Variants in SPATA16 observed in about 807,000 individuals in gnomAD.
SPATA16 encodes spermatogenesis-associated protein 16.
A neutral mutation model predicts 63.3 loss-of-function variants in SPATA16; 36 were observed. The ratio of observed to expected loss-of-function variants is 0.57; its 90% CI spans 0.44 to 0.75. The LOEUF is 0.75. Ranked by LOEUF, SPATA16 falls within the 30% of genes least tolerant of loss-of-function variation. The probability of loss-of-function intolerance (pLI) is 0.00; values close to 1 mark genes in which losing one functional copy is unlikely to be tolerated. For synonymous variants in SPATA16, 203 were observed against 216.7 expected (o/e 0.94, Z 0.56); for missense variants, 646 against 679.3 (o/e 0.95, Z 0.54).
chr3:173,134,925 A>AT (rs2108350363), intron 1 of SPATA16, among the ~76,000 whole-genome samples: 1 of 152,358 alleles, frequency 6.6e-6, no homozygotes, highest in African/African-American at 2.4e-5. Context: ...TATGACTTGG[A>AT]TAGGCAAGGA....
intron 4 of SPATA16, among the ~76,000 whole-genome samples, chr3:172,994,182 G>A (rs769720530): frequency 3.3e-5 from 5 of 152,268 alleles, no homozygotes; most frequent in Non-Finnish European, 5.9e-5. Flanking sequence ...GATACCAAGA[G>A]TATGTGACTC....
At chr3:173,055,667 T>A (rs1428100629) in intron 2 of SPATA16, among the ~76,000 whole-genome samples, 1 of 152,206 alleles carries the variant, frequency 6.6e-6, no homozygotes, top group African/African-American at 2.4e-5. Context: ...CTGTAATGTA[T>A]CTTGAATTTG....
rs748080162 is a variant in SPATA16, at chr3:172,976,930, A to G, written c.933+38T>C. On this transcript the variant is annotated intron_variant, in intron 5 of 10. Transcript: ENST00000351008. Reference sequence around the variant, plus strand: ...CTTTCATTTTGGCTCTAAAAATGAGATGGGTTTCTCCTCCCTAGTTGGGAC... The same window carrying G: ...CTTTCATTTTGGCTCTAAAAATGAGGTGGGTTTCTCCTCCCTAGTTGGGAC... The G allele has an allele frequency of 4.3e-5, 66 of 1,550,228 alleles. No homozygotes were observed. In the East Asian group the frequency reaches 1.3e-3, roughly 30 times the overall value.
rs183250527 is a variant in SPATA16 at position 173,135,522 on chromosome 3, A to T, written c.-19+5581T>A. Among the ~76,000 whole-genome samples, 250 of 152,334 alleles carry T rather than the reference A, an allele frequency of 1.6e-3. 1 individual carries two copies. Among genetic ancestry groups the T allele is most frequent in the South Asian group, 4.1e-3 (20 of 4,830 alleles). ...CAACGTAATAACATAATAACATTGA[A>T]AACATTCCAAATGCCCATGAATCAT... On this transcript the variant is annotated intron_variant, in intron 1 of 10. Coordinates refer to ENST00000351008, the MANE Select transcript of SPATA16 (RefSeq NM_031955.6).
At chr3:173,014,718 A>T (rs1735142851) in intron 4 of SPATA16, among the ~76,000 whole-genome samples, 2 of 152,230 alleles carry the variant, frequency 1.3e-5, no homozygotes, top group African/African-American at 4.8e-5. Context: ...CATTAGTTGG[A>T]CTTGAGTGAT....
chr3:172,947,528 A>AACAACC (rs748218789), intron 6 of SPATA16, among the ~76,000 whole-genome samples: 13,221 of 152,160 alleles, frequency 0.087, 1,916 homozygotes, highest in African/African-American at 0.3. Flanking sequence ...AGAATATCTG[A>AACAACC]ATATTGTTTA....
At chr3:172,915,979 A>G (rs1018316535) in intron 9 of SPATA16, among the ~76,000 whole-genome samples, 3 of 152,248 alleles carry the variant, frequency 2.0e-5, no homozygotes, top group Non-Finnish European at 4.4e-5. Flanking sequence ...AAAGAGAATC[A>G]TATATCAATA....
chr3:173,055,825 T>A (rs1460876985), intron 2 of SPATA16, among the ~76,000 whole-genome samples: 3 of 152,202 alleles, frequency 2.0e-5, no homozygotes, highest in Admixed American at 2.0e-4. Flanking sequence ...AGATATTACC[T>A]CTGGGAGAAA....
chr3:172,921,005 G>A (rs1403414382), intron 8 of SPATA16, among the ~76,000 whole-genome samples: 3 of 150,902 alleles, frequency 2.0e-5, no homozygotes, highest in Non-Finnish European at 4.4e-5. Flanking sequence ...GAACATATAT[G>A]GTATGAGGCA....
intron 1 of SPATA16, among the ~76,000 whole-genome samples, chr3:173,137,682 G>T (rs1212307869): frequency 6.6e-6 from 1 of 152,062 alleles, no homozygotes; most frequent in African/African-American, 2.4e-5. Flanking sequence ...AATATAAAGG[G>T]TGAGGAAGTT....
intron 2 of SPATA16, among the ~76,000 whole-genome samples, chr3:173,064,753 T>A (rs1736475031): frequency 6.6e-6 from 1 of 152,144 alleles, no homozygotes; most frequent in Non-Finnish European, 1.5e-5. Context: ...TTATTTCAGA[T>A]CCATTAACAT....
At chr3:172,905,067 G>A (rs1352060508) in intron 10 of SPATA16, among the ~76,000 whole-genome samples, 1 of 152,044 alleles carries the variant, frequency 6.6e-6, no homozygotes, top group Non-Finnish European at 1.5e-5. Flanking sequence ...GTGATCAGCA[G>A]TAAAAGCACT....
intron 2 of SPATA16, among the ~76,000 whole-genome samples, chr3:173,058,659 C>T (rs1320813569): frequency 2.0e-5 from 3 of 152,052 alleles, no homozygotes; most frequent in Non-Finnish European, 4.4e-5. Flanking sequence ...GCTCAGTCTC[C>T]TGTGTTTATC....
chr3:173,052,218 T>C (rs973011255), intron 2 of SPATA16, among the ~76,000 whole-genome samples: 3 of 152,172 alleles, frequency 2.0e-5, no homozygotes, highest in African/African-American at 4.8e-5. Flanking sequence ...GATTTCATAA[T>C]AGTAAAGACT....
chr3:172,943,303 T>C (rs1733202445), intron 6 of SPATA16, among the ~76,000 whole-genome samples: 1 of 152,198 alleles, frequency 6.6e-6, no homozygotes, highest in Non-Finnish European at 1.5e-5. Flanking sequence ...TACAGCAAAC[T>C]TTATACTTAG....
intron 2 of SPATA16, among the ~76,000 whole-genome samples, chr3:173,116,321 T>C (rs1737898288): frequency 6.6e-6 from 1 of 152,226 alleles, no homozygotes; most frequent in South Asian, 2.1e-4. Context: ...TAGTATGCAT[T>C]GAAATGTTTT....
chr3:173,108,445 A>C (rs183375192), intron 2 of SPATA16, among the ~76,000 whole-genome samples: 192 of 152,306 alleles, frequency 1.3e-3, no homozygotes, highest in Middle Eastern at 3.4e-3. Flanking sequence ...TTAAAAGAGA[A>C]GGAAGTGATG....
At chr3:173,007,582 G>C (rs1734970748) in intron 4 of SPATA16, among the ~76,000 whole-genome samples, 2 of 152,044 alleles carry the variant, frequency 1.3e-5, no homozygotes, top group South Asian at 4.1e-4. Context: ...GTCAGTTAGT[G>C]CATTATTTTA....
chr3:172,914,442 C>A (rs1732436292), intron 9 of SPATA16, among the ~76,000 whole-genome samples: 1 of 152,078 alleles, frequency 6.6e-6, no homozygotes, highest in Non-Finnish European at 1.5e-5. Flanking sequence ...TAAAAAATAC[C>A]AGTTCAGTTC....
Sources: allele counts gnomAD v4.1 joint callset (sites outside exome capture counted in the v4.1 genomes callset), GRCh38; gene constraint gnomAD v4.1.1; transcripts MANE v1.5; gene names NCBI Gene and HGNC (gene_info 2026-07-23, HGNC 2026-07-21).